The following TTC28 variants were observed in gnomAD, a reference collection of about 807,000 sequenced individuals.
TTC28 encodes tetratricopeptide repeat protein 28.
A neutral mutation model predicts 198.0 loss-of-function variants in TTC28; 61 were observed. The observed-to-expected ratio is 0.31, with a 90% CI of 0.25 to 0.38. The LOEUF (loss-of-function observed/expected upper bound fraction) is 0.38. Ranked by LOEUF, TTC28 falls within the 10% of genes least tolerant of loss-of-function variation. TTC28 has a pLI of 1.00. For synonymous variants in TTC28, 1,171 were observed against 1,297.8 expected (o/e 0.90, Z 2.10); for missense variants, 2,678 against 3,164.0 (o/e 0.85, Z 3.69).
At chr22:28,103,820 C>A (rs1942224177) in intron 8 of TTC28, among the ~76,000 whole-genome samples, 1 of 152,156 alleles carries the variant, frequency 6.6e-6, no homozygotes. Flanking sequence ...TCAGGAAGTA[C>A]AAAAGAACAC....
At chr22:28,115,063 G>A (rs1313774200) in intron 6 of TTC28, among the ~76,000 whole-genome samples, 3 of 152,056 alleles carry the variant, frequency 2.0e-5, no homozygotes, top group Non-Finnish European at 4.4e-5. Flanking sequence ...AGCCCCAAAA[G>A]GTTCAAGAGC....
intron 5 of TTC28, among the ~76,000 whole-genome samples, chr22:28,290,912 TAC>T (rs141591446): frequency 4.7e-5 from 7 of 149,604 alleles, no homozygotes; most frequent in Non-Finnish European, 8.9e-5. Context: ...AAAACACACA[TAC>T]ACACACACAC....
intron 5 of TTC28, among the ~76,000 whole-genome samples, chr22:28,293,288 T>A (rs1169617358): frequency 6.6e-6 from 1 of 152,112 alleles, no homozygotes; most frequent in Non-Finnish European, 1.5e-5. Context: ...TTATTCAGAC[T>A]TAGAAAAGAA....
chr22:28,215,796 A>G (rs1269105908), intron 5 of TTC28, among the ~76,000 whole-genome samples: 1 of 152,208 alleles, frequency 6.6e-6, no homozygotes, highest in Non-Finnish European at 1.5e-5. Flanking sequence ...TGAAATAAGC[A>G]TGGGAAAATA....
chr22:28,546,903 A>C (rs2049554504), intron 2 of TTC28, among the ~76,000 whole-genome samples: 1 of 152,178 alleles, frequency 6.6e-6, no homozygotes, highest in Non-Finnish European at 1.5e-5. Flanking sequence ...CTCCAAACAT[A>C]TGAGACTCTA....
At chr22:28,352,898 T>A (rs536062395) in intron 2 of TTC28, among the ~76,000 whole-genome samples, 15 of 151,170 alleles carry the variant, frequency 9.9e-5, no homozygotes, top group African/African-American at 3.6e-4. Context: ...GGAAGAGAGG[T>A]AATAAGGAGA....
chr22:28,403,581 T>C (rs1440737791), intron 2 of TTC28, among the ~76,000 whole-genome samples: 4 of 152,180 alleles, frequency 2.6e-5, no homozygotes, highest in Non-Finnish European at 1.5e-5. Context: ...CTCATTTTGC[T>C]TTTCCTTCAG....
At chr22:28,652,044 T>C (rs2051572893) in intron 1 of TTC28, among the ~76,000 whole-genome samples, 1 of 151,868 alleles carries the variant, frequency 6.6e-6, no homozygotes. Context: ...TTCACCACAT[T>C]GGCCAGGCTG....
At chr22:28,134,390 G>A (rs866702813) in intron 6 of TTC28, among the ~76,000 whole-genome samples, 63 of 152,146 alleles carry the variant, frequency 4.1e-4, no homozygotes, top group African/African-American at 1.4e-3. Context: ...AGAAGAAGGC[G>A]TCAGACAATC....
chr22:28,275,904 C>G (rs968086281), intron 5 of TTC28, among the ~76,000 whole-genome samples: 3 of 152,072 alleles, frequency 2.0e-5, no homozygotes, highest in Non-Finnish European at 2.9e-5. Context: ...TCCTGACCTC[C>G]CAGTTGAAAC....
At chr22:28,639,470 G>A (rs1022431772) in intron 1 of TTC28, among the ~76,000 whole-genome samples, 2 of 152,162 alleles carry the variant, frequency 1.3e-5, no homozygotes, top group Admixed American at 6.5e-5. Context: ...TGTTAGTTGT[G>A]TACTGATATG....
At chr22:28,336,622 G>C (rs1474117442) in intron 2 of TTC28, among the ~76,000 whole-genome samples, 2 of 151,890 alleles carry the variant, frequency 1.3e-5, no homozygotes, top group Admixed American at 6.6e-5. Context: ...TAGTTTATTT[G>C]CGTAGAGGTG....
At chr22:28,047,866 T>C (rs116820051) in intron 12 of TTC28, among the ~76,000 whole-genome samples, 1 of 152,182 alleles carries the variant, frequency 6.6e-6, no homozygotes, top group African/African-American at 2.4e-5. Flanking sequence ...CTCAGTTTTT[T>C]CTTCTGGTCC....
At chr22:28,117,669 A>G (rs16986030) in intron 6 of TTC28, among the ~76,000 whole-genome samples, 2,369 of 152,302 alleles carry the variant, frequency 0.016, 82 homozygotes, top group African/African-American at 0.055. Flanking sequence ...AGCACACTGA[A>G]GTCTACTACA....
intron 2 of TTC28, among the ~76,000 whole-genome samples, chr22:28,596,618 G>A (rs1478122972): frequency 6.6e-6 from 1 of 152,168 alleles, no homozygotes; most frequent in African/African-American, 2.4e-5. Context: ...AGATAAAGCA[G>A]CAGTGTCTAC....
chr22:28,001,623 C>T, intron 14 of TTC28, 70 bp from the exon 15 acceptor site: 1 of 1,503,178 alleles, frequency 6.7e-7, no homozygotes, highest in Non-Finnish European at 9.0e-7. Context: ...CCAGGACAAC[C>T]CTGAGCCCTA....
chr22:28,167,248 G>A (rs1322067985), intron 5 of TTC28, among the ~76,000 whole-genome samples: 1 of 152,166 alleles, frequency 6.6e-6, no homozygotes, highest in East Asian at 1.9e-4. Context: ...AGAGGTATAA[G>A]GAGGAGCTGG....
At chr22:28,573,600 TGAG>T (rs2050097167) in intron 2 of TTC28, among the ~76,000 whole-genome samples, 2 of 152,138 alleles carry the variant, frequency 1.3e-5, no homozygotes, top group Non-Finnish European at 2.9e-5. Context: ...TACAGATACA[TGAG>T]ATATTTTGAT....
At chr22:28,011,053 T>G (rs1175265863) in intron 14 of TTC28, among the ~76,000 whole-genome samples, 1 of 152,162 alleles carries the variant, frequency 6.6e-6, no homozygotes, top group East Asian at 1.9e-4. Context: ...TCTGTATCCC[T>G]GGGGGATTAT....
Sources: gnomAD v4.1 joint callset for allele counts (sites outside exome capture counted in the v4.1 genomes callset) on GRCh38, gnomAD v4.1.1 for gene constraint, MANE v1.5 for transcripts, NCBI Gene and HGNC (gene_info 2026-07-23, HGNC 2026-07-21) for gene names.